Variants in MOGAT1 observed in about 807,000 individuals in gnomAD.
The protein encoded by MOGAT1 is monoacylglycerol O-acyltransferase 1.
Under a neutral mutation model 31.4 loss-of-function variants are expected in MOGAT1, and 32 were observed. That is an observed-to-expected ratio of 1.02 (90% CI 0.77 to 1.37). The LOEUF is 1.37. Ranked by LOEUF, MOGAT1 falls within the 40% of genes most tolerant of loss-of-function variation. MOGAT1 has a pLI of 0.00. For synonymous variants in MOGAT1, 145 were observed against 144.5 expected (o/e 1.00, Z -0.03); for missense variants, 426 against 402.0 (o/e 1.06, Z -0.51).
At chr2:222,704,057 C>G (rs1692968067) in intron 5 of MOGAT1, among the ~76,000 whole-genome samples, 1 of 152,110 alleles carries the variant, frequency 6.6e-6, no homozygotes, top group Admixed American at 6.5e-5. Flanking sequence ...GTTGAGCATA[C>G]CAGCTATAAA....
chr2:222,682,574 C>G (rs1231730020), intron 1 of MOGAT1, among the ~76,000 whole-genome samples: 1 of 152,170 alleles, frequency 6.6e-6, no homozygotes, highest in Non-Finnish European at 1.5e-5. Context: ...ATTCGATGAT[C>G]ACACTTACAC....
At chr2:222,700,528 A>C (rs956570628) in intron 5 of MOGAT1, among the ~76,000 whole-genome samples, 1 of 152,232 alleles carries the variant, frequency 6.6e-6, no homozygotes, top group Non-Finnish European at 1.5e-5. Context: ...TTGTTGTTTC[A>C]AACGTTTAAA....
At chr2:222,699,963 A>T (rs6716797) in intron 5 of MOGAT1, among the ~76,000 whole-genome samples, 67,588 of 152,124 alleles carry the variant, frequency 0.44, 15,596 homozygotes, top group African/African-American at 0.51. Flanking sequence ...AGACTTGATC[A>T]GTTAGGGTAA....
chr2:222,705,393 T>C (rs868059847), intron 5 of MOGAT1, among the ~76,000 whole-genome samples: 1 of 152,124 alleles, frequency 6.6e-6, no homozygotes, highest in South Asian at 2.1e-4. Flanking sequence ...CAAGATGGAG[T>C]TGCACTGATT....
At position 222,688,397 on chromosome 2, in the gene MOGAT1, C is replaced by G. The variant is rs755802624; in HGVS notation, c.148C>G (p.Leu50Val). The part of the protein sequence containing the change: ...VMLIIHNYLF[L>V]YIPYLMWLYF... ...GCTGATCATACACAACTATTTGTTC[C>G]TTTACATCCCTTATTTGATGTGGCT... is the stretch of plus-strand genomic sequence containing the variant. The change falls in exon 2 of 6, where the codon CTT (leucine) becomes GTT (valine). Residue 50 changes from leucine (L) to valine (V), a missense_variant. Coordinates refer to ENST00000446656, the MANE Select transcript of MOGAT1 (RefSeq NM_058165.3). The G allele has an allele frequency of 3.1e-6, 5 of 1,613,352 alleles. No individual in the cohort carries two copies. Among genetic ancestry groups the G allele is most frequent in the Non-Finnish European group, 4.2e-6 (5 of 1,179,612 alleles).
intron 3 of MOGAT1, among the ~76,000 whole-genome samples, chr2:222,691,178 C>CTTTTTCTTTT (rs1304321995): frequency 6.6e-6 from 1 of 151,664 alleles, no homozygotes; most frequent in African/African-American, 2.4e-5. Flanking sequence ...TCCCTGGTTT[C>CTTTTTCTTTT]TTTTTATTTA....
In MOGAT1 at chr2:222,689,608, T is replaced by G. The variant is rs368243223; in HGVS notation, c.478+139T>G. On this transcript the variant is annotated intron_variant, in intron 3 of 5. Coordinates refer to ENST00000446656, the MANE Select transcript of MOGAT1 (RefSeq NM_058165.3). The stretch of plus-strand genomic sequence containing the variant: ...TCCTCATCTGGCACTTCCTATGGTG[T>G]CTGGGTGTTTCCTGCCCTCCCCCAC... The G allele has an allele frequency of 2.6e-5, 19 of 743,476 alleles. No individual in the cohort carries two copies. The African/African-American group carries it at 3.0e-4, about 12-fold the overall frequency. 46.1% of individuals were successfully genotyped at this position (743,476 alleles called of 1,614,324 possible).
chr2:222,699,871 T>C (rs1459438213), intron 5 of MOGAT1, among the ~76,000 whole-genome samples: 1 of 152,218 alleles, frequency 6.6e-6, no homozygotes, highest in East Asian at 1.9e-4. Flanking sequence ...AGAGCTGGTA[T>C]TAACTGAAAA....
At chr2:222,706,072 T>C (rs928148968) in intron 5 of MOGAT1, among the ~76,000 whole-genome samples, 2 of 152,230 alleles carry the variant, frequency 1.3e-5, no homozygotes, top group Non-Finnish European at 2.9e-5. Flanking sequence ...CTGGGCTTTT[T>C]TGAGTATAGT....
intron 5 of MOGAT1, among the ~76,000 whole-genome samples, chr2:222,702,398 T>C (rs1057237738): frequency 6.6e-6 from 1 of 152,204 alleles, no homozygotes; most frequent in South Asian, 2.1e-4. Flanking sequence ...ATATAGGACA[T>C]TGTTCTTGTT....
intron 1 of MOGAT1, among the ~76,000 whole-genome samples, chr2:222,680,682 A>C (rs963090192): frequency 1.3e-5 from 2 of 152,218 alleles, no homozygotes; most frequent in Admixed American, 6.5e-5. Flanking sequence ...AGAGGTGCTA[A>C]TGGATTTTTG....
intron 1 of MOGAT1, among the ~76,000 whole-genome samples, chr2:222,675,660 T>C (rs1236034427): frequency 6.6e-6 from 1 of 152,002 alleles, no homozygotes; most frequent in East Asian, 1.9e-4. Flanking sequence ...TTTGTATTTT[T>C]AGTAGAGACG....
At position 222,704,626 on chromosome 2, in the gene MOGAT1, G is replaced by GA. The variant is rs796340274; in HGVS notation, c.854-5097dup. On this transcript the variant is annotated intron_variant, in intron 5 of 5. Coordinates refer to ENST00000446656, the MANE Select transcript of MOGAT1 (RefSeq NM_058165.3). ...GCGACAAAGCGAGACTCCGTCTCCA[G>GA]AAAAAAAAAAAAAGAGTATCCCAAT... 6.6e-3 allele frequency among the ~76,000 whole-genome samples: 860 copies of GA among 130,500 alleles called. 3 individuals carry two copies. The highest frequency in any genetic ancestry group is 0.013 in the African/African-American group (480 of 35,594). The allele number at this position is 130,500 out of a possible 152,430, so 85.6% of individuals were successfully genotyped here.
intron 2 of MOGAT1, 127 bp downstream of exon 2, chr2:222,688,649 AG>A (rs1692713096): frequency 1.5e-6 from 1 of 674,642 alleles, no homozygotes; most frequent in Non-Finnish European, 2.4e-6. Flanking sequence ...CTGCTGTAAC[AG>A]AATACCAAAG....
intron 3 of MOGAT1, among the ~76,000 whole-genome samples, chr2:222,690,246 C>A (rs1202180896): frequency 6.6e-6 from 1 of 151,990 alleles, no homozygotes; most frequent in Non-Finnish European, 1.5e-5. Flanking sequence ...CAGAGAGAGA[C>A]CCAATCACAA....
At chr2:222,672,975 GC>G (rs919103880) in intron 1 of MOGAT1, among the ~76,000 whole-genome samples, 1 of 150,476 alleles carries the variant, frequency 6.6e-6, no homozygotes, top group African/African-American at 2.4e-5. Flanking sequence ...GTGCAGTGGC[GC>G]CATCTCGGCT....
chr2:222,708,197 C>A (rs977274473), intron 5 of MOGAT1, among the ~76,000 whole-genome samples: 1 of 152,168 alleles, frequency 6.6e-6, no homozygotes, highest in Non-Finnish European at 1.5e-5. Flanking sequence ...GGTTGTCCTG[C>A]CTCAGCCTCC....
intron 3 of MOGAT1, among the ~76,000 whole-genome samples, chr2:222,692,662 T>C (rs531464563): frequency 1.1e-4 from 17 of 152,228 alleles, no homozygotes; most frequent in African/African-American, 3.6e-4. Flanking sequence ...TCCTGACAGA[T>C]GGATTTGGGA....
intron 5 of MOGAT1, among the ~76,000 whole-genome samples, chr2:222,709,462 C>A (rs541976010): frequency 6.6e-6 from 1 of 152,298 alleles, no homozygotes; most frequent in Admixed American, 6.5e-5. Context: ...CCACTCACCT[C>A]CCAGCTGCAG....
Sources: gnomAD v4.1 joint callset for allele counts (sites outside exome capture counted in the v4.1 genomes callset) on GRCh38, gnomAD v4.1.1 for gene constraint, MANE v1.5 for transcripts, NCBI Gene and HGNC (gene_info 2026-07-23, HGNC 2026-07-21) for gene names.